The following ZCCHC7 variants were observed in gnomAD, a reference collection of about 807,000 sequenced individuals.
ZCCHC7 encodes zinc finger CCHC domain-containing protein 7.
Under a neutral mutation model 52.0 loss-of-function variants are expected in ZCCHC7, and 35 were observed. That is an observed-to-expected ratio of 0.67 (90% CI 0.51 to 0.89). ZCCHC7 has a LOEUF of 0.89. Ranked by LOEUF, ZCCHC7 falls within the 40% of genes least tolerant of loss-of-function variation. ZCCHC7 has a pLI of 0.00. For missense variants in ZCCHC7, 574 were observed against 649.1 expected (o/e 0.88, Z 1.26); for synonymous variants, 217 against 221.5 (o/e 0.98, Z 0.18).
intron 2 of ZCCHC7, among the ~76,000 whole-genome samples, chr9:37,146,112 C>T (rs1843422990): frequency 6.6e-6 from 1 of 151,890 alleles, no homozygotes; most frequent in Non-Finnish European, 1.5e-5. Flanking sequence ...CTTCATTTAT[C>T]TCAGAGTTTT....
At chr9:37,246,799 G>A (rs1294438168) in intron 2 of ZCCHC7, among the ~76,000 whole-genome samples, 1 of 152,068 alleles carries the variant, frequency 6.6e-6, no homozygotes, top group African/African-American at 2.4e-5. Flanking sequence ...GATTGCAGGA[G>A]CATCCATAGA....
At chr9:37,217,182 C>T (rs1824550539) in intron 2 of ZCCHC7, among the ~76,000 whole-genome samples, 1 of 151,962 alleles carries the variant, frequency 6.6e-6, no homozygotes, top group African/African-American at 2.4e-5. Context: ...TTTCTTAATA[C>T]TAAAATAATG....
At chr9:37,324,997 G>A (rs376107769) in intron 5 of ZCCHC7, among the ~76,000 whole-genome samples, 7 of 152,184 alleles carry the variant, frequency 4.6e-5, no homozygotes, top group East Asian at 3.8e-4. Flanking sequence ...GCACTAAGCC[G>A]TTGTTCTCGT....
intron 2 of ZCCHC7, among the ~76,000 whole-genome samples, chr9:37,176,929 T>TTTTG (rs904756356): frequency 3.3e-5 from 5 of 152,218 alleles, no homozygotes; most frequent in Non-Finnish European, 7.4e-5. Context: ...ACACTGGTGT[T>TTTTG]TTTGTTTGTT....
At chr9:37,124,583 A>C (rs1394374491) in intron 1 of ZCCHC7, among the ~76,000 whole-genome samples, 3 of 152,136 alleles carry the variant, frequency 2.0e-5, no homozygotes, top group African/African-American at 4.8e-5. Flanking sequence ...ATTTATATTG[A>C]ATAAGTAATT....
At chr9:37,206,068 C>G (rs971809886) in intron 2 of ZCCHC7, among the ~76,000 whole-genome samples, 1 of 152,104 alleles carries the variant, frequency 6.6e-6, no homozygotes, top group South Asian at 2.1e-4. Context: ...GGCAGCCACT[C>G]TTGCTATCTT....
At chr9:37,212,360 C>G (rs1366934043) in intron 2 of ZCCHC7, among the ~76,000 whole-genome samples, 1 of 152,014 alleles carries the variant, frequency 6.6e-6, no homozygotes, top group African/African-American at 2.4e-5. Context: ...TACAGGCATA[C>G]TGATTTAGTC....
intron 3 of ZCCHC7, among the ~76,000 whole-genome samples, chr9:37,303,350 A>C (rs1207190529): frequency 4.0e-5 from 6 of 151,524 alleles, no homozygotes; most frequent in Admixed American, 3.9e-4. Flanking sequence ...GCTTGAACCC[A>C]GGGAGGTAGA....
At chr9:37,123,414 A>T (rs948376172) in intron 1 of ZCCHC7, among the ~76,000 whole-genome samples, 2 of 152,224 alleles carry the variant, frequency 1.3e-5, no homozygotes, top group African/African-American at 4.8e-5. Flanking sequence ...TTTCAAGTAC[A>T]GACGGTACAA....
intron 4 of ZCCHC7, among the ~76,000 whole-genome samples, chr9:37,305,245 A>G (rs1420859447): frequency 6.6e-6 from 1 of 152,190 alleles, no homozygotes; most frequent in Admixed American, 6.5e-5. Flanking sequence ...CTTAGCTTCT[A>G]GATATCCTCC....
intron 7 of ZCCHC7, among the ~76,000 whole-genome samples, chr9:37,352,134 C>T (rs868709536): frequency 6.6e-6 from 1 of 152,184 alleles, no homozygotes; most frequent in Admixed American, 6.5e-5. Context: ...CTTTGGAAAA[C>T]ATTTGTAGTA....
chr9:37,243,341 A>G (rs950093557), intron 2 of ZCCHC7, among the ~76,000 whole-genome samples: 54 of 151,854 alleles, frequency 3.6e-4, no homozygotes, highest in Admixed American at 1.5e-3. Flanking sequence ...TTTTAAAATT[A>G]TATCTGTAGA....
intron 2 of ZCCHC7, among the ~76,000 whole-genome samples, chr9:37,150,946 T>G (rs1820483560): frequency 6.6e-6 from 1 of 151,540 alleles, no homozygotes; most frequent in African/African-American, 2.4e-5. Context: ...ATAACTTTTC[T>G]ATTTCTGTGG....
At chr9:37,254,037 T>C (rs1451596665) in intron 2 of ZCCHC7, among the ~76,000 whole-genome samples, 1 of 151,986 alleles carries the variant, frequency 6.6e-6, no homozygotes, top group African/African-American at 2.4e-5. Context: ...AATATATGAG[T>C]GTTACCAGAA....
intron 2 of ZCCHC7, among the ~76,000 whole-genome samples, chr9:37,214,107 C>T (rs1487324076): frequency 1.3e-5 from 2 of 151,684 alleles, no homozygotes; most frequent in African/African-American, 4.8e-5. Context: ...AGGATTGTTC[C>T]CCAAGACATC....
intron 1 of ZCCHC7, among the ~76,000 whole-genome samples, chr9:37,122,871 A>G (rs541066547): frequency 1.2e-4 from 19 of 152,336 alleles, no homozygotes; most frequent in Admixed American, 2.6e-4. Flanking sequence ...CAGGAGGAGG[A>G]GGTTGCAGTG....
Position 37,184,687 on chromosome 9 carries a change from T to TTTGTTGTTGTTGTTG in ZCCHC7, c.610+57764_610+57778dup, listed in dbSNP as rs56220914. On this transcript the variant is annotated intron_variant, in intron 2 of 8. Coordinates refer to ENST00000336755, the MANE Select transcript of ZCCHC7 (RefSeq NM_032226.3). ...CCAAGTTTTAACCTCTGTCTGGTGA[T>TTTGTTGTTGTTGTTG]TTGTTGTTGTTGTTGTTGTTGTTGT... 1.9e-3 allele frequency among the ~76,000 whole-genome samples: 288 copies of TTTGTTGTTGTTGTTG among 150,470 alleles called. 1 individual carries two copies. Among genetic ancestry groups the TTTGTTGTTGTTGTTG allele is most frequent in the African/African-American group, 6.3e-3 (259 of 40,958 alleles).
At chr9:37,336,578 G>A (rs2118372019) in intron 6 of ZCCHC7, among the ~76,000 whole-genome samples, 1 of 152,180 alleles carries the variant, frequency 6.6e-6, no homozygotes, top group Admixed American at 6.5e-5. Context: ...GATCCCCCAT[G>A]TATTAGCTAA....
intron 2 of ZCCHC7, among the ~76,000 whole-genome samples, chr9:37,261,039 C>T (rs768182002): frequency 7.2e-5 from 11 of 152,132 alleles, no homozygotes; most frequent in Admixed American, 1.3e-4. Flanking sequence ...TTAGCTCTCA[C>T]CACTGGCTGC....
Sources: gnomAD v4.1 joint callset for allele counts (sites outside exome capture counted in the v4.1 genomes callset) on GRCh38, gnomAD v4.1.1 for gene constraint, MANE v1.5 for transcripts, NCBI Gene and HGNC (gene_info 2026-07-23, HGNC 2026-07-21) for gene names.